Variants in PTPRN2 observed in about 807,000 individuals in gnomAD.
PTPRN2 encodes protein tyrosine phosphatase receptor type N2.
In PTPRN2, 74 loss-of-function variants were observed where a neutral mutation model predicts 118.8. The ratio of observed to expected loss-of-function variants is 0.62; its 90% CI spans 0.52 to 0.76. The LOEUF (loss-of-function observed/expected upper bound fraction) is 0.76, where lower values mean the gene tolerates loss of function less well. PTPRN2 is among the 30% of genes least tolerant of loss of function. PTPRN2 has a pLI of 0.00. For synonymous variants in PTPRN2, 641 were observed against 608.0 expected, an observed-to-expected ratio of 1.05 and a Z score of -0.80; for missense variants, 1,481 against 1,394.4, an observed-to-expected ratio of 1.06 and a Z score of -0.99.
At chr7:158,247,204 T>C (rs930731342) in intron 3 of PTPRN2, among the ~76,000 whole-genome samples, 2 of 152,148 alleles carry the variant, frequency 1.3e-5, no homozygotes, top group African/African-American at 4.8e-5. Flanking sequence ...CCCCCCAGCA[T>C]GGCCAGGAGC....
At chr7:158,051,815 AC>A (rs1809346554) in intron 11 of PTPRN2, among the ~76,000 whole-genome samples, 1 of 152,260 alleles carries the variant, frequency 6.6e-6, no homozygotes, top group Admixed American at 6.5e-5. Context: ...TACACACTGT[AC>A]TTAAACAAGT....
At chr7:158,340,586 G>A (rs1423025159) in intron 2 of PTPRN2, among the ~76,000 whole-genome samples, 22 of 101,780 alleles carry the variant, frequency 2.2e-4, no homozygotes, top group African/African-American at 6.6e-4. Flanking sequence ...AAGAGCCGAC[G>A]CCCGCAGACA....
intron 11 of PTPRN2, among the ~76,000 whole-genome samples, chr7:157,971,822 ATGG>A (rs1802356407): frequency 2.6e-5 from 4 of 152,242 alleles, no homozygotes; most frequent in Admixed American, 6.5e-5. Flanking sequence ...CTCCCCAGGG[ATGG>A]TGTAGACTGA....
chr7:158,095,987 A>G (rs1023837724), intron 10 of PTPRN2, among the ~76,000 whole-genome samples: 1 of 152,254 alleles, frequency 6.6e-6, no homozygotes, highest in African/African-American at 2.4e-5. Context: ...TCCAGCATTT[A>G]CCCAATGCTT....
intron 2 of PTPRN2, among the ~76,000 whole-genome samples, chr7:158,478,435 G>C (rs1820424333): frequency 2.6e-5 from 4 of 152,216 alleles, no homozygotes; most frequent in Admixed American, 2.6e-4. Context: ...GGAAAGGAAG[G>C]CTCAGCACGT....
chr7:157,651,993 C>A (rs888542685), intron 14 of PTPRN2, among the ~76,000 whole-genome samples: 2 of 152,262 alleles, frequency 1.3e-5, no homozygotes, highest in Admixed American at 6.5e-5. Context: ...ACTGCACCTT[C>A]CCTGCGCCTG....
At chr7:158,011,469 C>T (rs1319628443) in intron 11 of PTPRN2, among the ~76,000 whole-genome samples, 2 of 152,224 alleles carry the variant, frequency 1.3e-5, no homozygotes, top group Non-Finnish European at 2.9e-5. Context: ...AGAGGGAGCA[C>T]ATGTTTAAAA....
chr7:157,727,111 G>A (rs1341401191), intron 12 of PTPRN2, among the ~76,000 whole-genome samples: 2 of 152,190 alleles, frequency 1.3e-5, no homozygotes, highest in East Asian at 3.8e-4. Context: ...CATAGGAGCC[G>A]GCAGCCCTAT....
intron 1 of PTPRN2, among the ~76,000 whole-genome samples, chr7:158,516,291 G>A (rs1823555372): frequency 6.6e-6 from 1 of 152,204 alleles, no homozygotes; most frequent in Non-Finnish European, 1.5e-5. Flanking sequence ...ACCAGCCTGG[G>A]CAACAAAGTG....
chr7:158,462,760 C>T (rs1016161493), intron 2 of PTPRN2, among the ~76,000 whole-genome samples: 9 of 152,114 alleles, frequency 5.9e-5, no homozygotes, highest in East Asian at 3.8e-4. Context: ...GCTCACAGTC[C>T]GCAAAACTAC....
chr7:158,420,462 G>T (rs1228098410), intron 2 of PTPRN2, among the ~76,000 whole-genome samples: 1 of 152,186 alleles, frequency 6.6e-6, no homozygotes, highest in East Asian at 1.9e-4. Context: ...CAGGCACAGG[G>T]TCCAGCACAC....
chr7:158,146,385 T>C (rs532715795), intron 6 of PTPRN2, among the ~76,000 whole-genome samples: 4 of 152,252 alleles, frequency 2.6e-5, no homozygotes, highest in Non-Finnish European at 4.4e-5. Context: ...CCAACCTGTA[T>C]TGGGCATCTA....
rs146623781 is a variant in PTPRN2, at chr7:157,937,387, G to T, written c.1724-38650C>A. On this transcript the variant is annotated intron_variant, in intron 11 of 22. Transcript: ENST00000389418. ...CGTCTAACTGAGCACGTGGGGACTG[G>T]AGCAATTCACTGAAGAAATGAAAGG... Among the ~76,000 whole-genome samples, 12 of 152,338 alleles carry T rather than the reference G, an allele frequency of 7.9e-5. No homozygotes were observed. The East Asian group carries it at 2.1e-3, about 27-fold the overall frequency.
At chr7:158,372,280 AC>A (rs1810087345) in intron 2 of PTPRN2, among the ~76,000 whole-genome samples, 1 of 139,052 alleles carries the variant, frequency 7.2e-6, no homozygotes. Flanking sequence ...GATCCCCCCA[AC>A]GCTGGTCCCC....
intron 1 of PTPRN2, 21 bp downstream of exon 1, chr7:158,587,536 TC>T (rs1226041201): frequency 6.2e-6 from 7 of 1,131,398 alleles, no homozygotes; most frequent in Admixed American, 5.2e-5. Flanking sequence ...GAGGCGCCCC[TC>T]CCCCGGCGCC....
At chr7:157,666,074 G>C (rs1185139039) in intron 13 of PTPRN2, among the ~76,000 whole-genome samples, 1 of 151,274 alleles carries the variant, frequency 6.6e-6, no homozygotes, top group Non-Finnish European at 1.5e-5. Flanking sequence ...CATGGCACAT[G>C]TATACATATG....
At chr7:158,453,730 A>G (rs565675759) in intron 2 of PTPRN2, among the ~76,000 whole-genome samples, 3,429 of 152,362 alleles carry the variant, frequency 0.023, 50 homozygotes, top group Non-Finnish European at 0.033. Context: ...GGAAAATTGA[A>G]AGCCTCATGT....
chr7:158,230,051 T>A (rs186272812), intron 3 of PTPRN2, among the ~76,000 whole-genome samples: 3 of 152,148 alleles, frequency 2.0e-5, no homozygotes, highest in Admixed American at 2.0e-4. Flanking sequence ...AACCAACTAC[T>A]CAACAGAAAC....
At chr7:158,147,500 C>G (rs1820244382) in intron 6 of PTPRN2, among the ~76,000 whole-genome samples, 1 of 118,878 alleles carries the variant, frequency 8.4e-6, no homozygotes, top group African/African-American at 3.7e-5. Flanking sequence ...CACCCCATCT[C>G]ACGCCACAGG....
Sources: gnomAD v4.1 joint callset for allele counts (sites outside exome capture counted in the v4.1 genomes callset) on GRCh38, gnomAD v4.1.1 for gene constraint, MANE v1.5 for transcripts, NCBI Gene and HGNC (gene_info 2026-07-23, HGNC 2026-07-21) for gene names.